The following FBXL17 variants were observed in gnomAD, a reference collection of about 807,000 sequenced individuals.
FBXL17 encodes the protein F-box/LRR-repeat protein 17.
In FBXL17, 22 loss-of-function variants were observed where a neutral mutation model predicts 66.2. The observed-to-expected ratio is 0.33, with a 90% CI of 0.24 to 0.47. The LOEUF is 0.47. Ranked by LOEUF, FBXL17 falls within the 20% of genes least tolerant of loss-of-function variation. The pLI is 1.00. For missense variants in FBXL17, 878 were observed against 948.2 expected, an observed-to-expected ratio of 0.93 and a Z score of 0.97; for synonymous variants, 474 against 400.5, an observed-to-expected ratio of 1.18 and a Z score of -2.19.
chr5:108,233,401 G>C (rs1755458837), intron 4 of FBXL17, among the ~76,000 whole-genome samples: 1 of 152,158 alleles, frequency 6.6e-6, no homozygotes. Flanking sequence ...ACACCTTGAA[G>C]AATCATACAT....
chr5:108,236,442 A>C (rs534384527), intron 4 of FBXL17, among the ~76,000 whole-genome samples: 77 of 149,836 alleles, frequency 5.1e-4, no homozygotes, highest in African/African-American at 1.8e-3. Flanking sequence ...GAGCCTGGGA[A>C]GTGGAGGTTG....
intron 6 of FBXL17, among the ~76,000 whole-genome samples, chr5:108,185,008 T>C (rs778744995): frequency 6.6e-6 from 1 of 152,134 alleles, no homozygotes; most frequent in Non-Finnish European, 1.5e-5. Context: ...CGCTACTCTG[T>C]TGTTTTCATT....
intron 4 of FBXL17, 108 bp from the exon 5 acceptor site, chr5:108,224,336 G>A (rs929428149): frequency 1.4e-5 from 7 of 515,224 alleles, no homozygotes; most frequent in Non-Finnish European, 2.5e-5. Flanking sequence ...ACTATTTCCT[G>A]CCCTGTTAGA....
At chr5:108,203,052 G>A (rs1275819467) in intron 5 of FBXL17, among the ~76,000 whole-genome samples, 3 of 152,044 alleles carry the variant, frequency 2.0e-5, no homozygotes, top group Admixed American at 6.6e-5. Flanking sequence ...TAGAAAAAAG[G>A]TCATAAAGTT....
At chr5:108,214,008 T>C (rs751956766) in intron 5 of FBXL17, among the ~76,000 whole-genome samples, 6 of 152,194 alleles carry the variant, frequency 3.9e-5, no homozygotes, top group Non-Finnish European at 8.8e-5. Flanking sequence ...AGTTTCACTT[T>C]CCACGAGTGG....
intron 4 of FBXL17, among the ~76,000 whole-genome samples, chr5:108,254,275 A>G (rs1258696337): frequency 6.6e-6 from 1 of 152,244 alleles, no homozygotes; most frequent in Non-Finnish European, 1.5e-5. Flanking sequence ...AAATCACAAC[A>G]TATTCAAGGC....
intron 4 of FBXL17, among the ~76,000 whole-genome samples, chr5:108,251,782 T>C (rs1045183093): frequency 6.6e-6 from 1 of 152,132 alleles, no homozygotes; most frequent in African/African-American, 2.4e-5. Flanking sequence ...ATAAATTGTT[T>C]TATAAGTTTT....
chr5:108,104,729 C>A (rs990786484), intron 6 of FBXL17, among the ~76,000 whole-genome samples: 1 of 152,182 alleles, frequency 6.6e-6, no homozygotes, highest in African/African-American at 2.4e-5. Flanking sequence ...TGCACAACAA[C>A]ATATATGGGA....
intron 4 of FBXL17, 49 bp from the exon 5 acceptor site, chr5:108,224,277 C>T (rs1754998126): frequency 1.8e-6 from 2 of 1,126,996 alleles, no homozygotes; most frequent in African/African-American, 3.1e-5. Context: ...GTCCAGTGAA[C>T]TCAAGGATTT....
chr5:108,173,945 C>A (rs1232712664), intron 6 of FBXL17, among the ~76,000 whole-genome samples: 2 of 152,130 alleles, frequency 1.3e-5, no homozygotes, highest in Admixed American at 6.5e-5. Flanking sequence ...ACAAGGAAAA[C>A]CTCAATAATG....
intron 4 of FBXL17, among the ~76,000 whole-genome samples, chr5:108,253,999 A>G (rs1756471152): frequency 6.6e-6 from 1 of 152,138 alleles, no homozygotes; most frequent in Admixed American, 6.5e-5. Flanking sequence ...AAGAAACTGT[A>G]AAGAGGTATC....
chr5:108,103,331 C>T (rs1749671459), intron 6 of FBXL17, among the ~76,000 whole-genome samples: 1 of 152,222 alleles, frequency 6.6e-6, no homozygotes, highest in Admixed American at 6.5e-5. Context: ...TGCAGCCATT[C>T]TGCTTTCCAG....
chr5:108,172,255 G>A (rs537993036), intron 6 of FBXL17, among the ~76,000 whole-genome samples: 25 of 152,206 alleles, frequency 1.6e-4, no homozygotes, highest in African/African-American at 5.5e-4. Flanking sequence ...TTCCAAAAAC[G>A]CAAGAACAGA....
chr5:108,185,061 C>G (rs1468370001), intron 6 of FBXL17, among the ~76,000 whole-genome samples: 2 of 151,826 alleles, frequency 1.3e-5, no homozygotes, highest in Admixed American at 6.6e-5. Flanking sequence ...TTTTTTCTTC[C>G]TTCCTGCAAT....
intron 2 of FBXL17, among the ~76,000 whole-genome samples, 179 bp from the exon 3 acceptor site, chr5:108,365,174 A>G (rs1176977643): frequency 6.6e-6 from 1 of 152,078 alleles, no homozygotes; most frequent in Non-Finnish European, 1.5e-5. Context: ...TAATAATAAT[A>G]TTGTAATTGG....
chr5:108,041,037 C>A (rs1308439561), intron 6 of FBXL17, among the ~76,000 whole-genome samples: 1 of 152,060 alleles, frequency 6.6e-6, no homozygotes, highest in Non-Finnish European at 1.5e-5. Flanking sequence ...GTGATCCTAT[C>A]ATCTTAATAA....
intron 6 of FBXL17, among the ~76,000 whole-genome samples, chr5:108,074,299 G>T (rs1748457773): frequency 1.5e-5 from 2 of 133,092 alleles, no homozygotes. Context: ...TCTGATAAGA[G>T]ATTTGAAAAG....
chr5:107,917,894 C>T (rs1750183618), intron 7 of FBXL17, among the ~76,000 whole-genome samples: 1 of 152,172 alleles, frequency 6.6e-6, no homozygotes, highest in Non-Finnish European at 1.5e-5. Flanking sequence ...AGCAGCAATA[C>T]AATTTCACAA....
intron 6 of FBXL17, among the ~76,000 whole-genome samples, chr5:108,155,386 G>T (rs145065578): frequency 3.9e-5 from 6 of 151,954 alleles, no homozygotes; most frequent in East Asian, 1.9e-4. Context: ...GTGGTGGCAC[G>T]TGCCTGTAAT....
Sources: allele counts gnomAD v4.1 joint callset (sites outside exome capture counted in the v4.1 genomes callset), GRCh38; gene constraint gnomAD v4.1.1; transcripts MANE v1.5; gene names NCBI Gene and HGNC (gene_info 2026-07-23, HGNC 2026-07-21).